The following HHLA2 variants were observed in gnomAD, a reference collection of about 807,000 sequenced individuals.
The protein encoded by HHLA2 is HERV-H LTR-associating protein 2.
In HHLA2, 48 loss-of-function variants were observed where a neutral mutation model predicts 45.9. The observed-to-expected ratio is 1.05, with a 90% CI of 0.83 to 1.33. The LOEUF (loss-of-function observed/expected upper bound fraction) is 1.33. HHLA2 is among the 40% of genes most tolerant of loss of function. The probability of loss-of-function intolerance (pLI) is 0.00; values close to 1 mark genes in which losing one functional copy is unlikely to be tolerated. For missense variants in HHLA2, 462 were observed against 494.3 expected, an observed-to-expected ratio of 0.93 and a Z score of 0.62; for synonymous variants, 161 against 173.9, an observed-to-expected ratio of 0.93 and a Z score of 0.59.
At chr3:108,358,612 C>T (rs2081938000) in intron 7 of HHLA2, among the ~76,000 whole-genome samples, 1 of 152,176 alleles carries the variant, frequency 6.6e-6, no homozygotes, top group Non-Finnish European at 1.5e-5. Context: ...TTTGAAGCAC[C>T]AAGTATATAT....
At chr3:108,332,255 A>G (rs1475897293) in intron 3 of HHLA2, among the ~76,000 whole-genome samples, 1 of 152,188 alleles carries the variant, frequency 6.6e-6, no homozygotes, top group African/African-American at 2.4e-5. Context: ...AGTTACCTCC[A>G]GGCGGTGGGA....
chr3:108,377,212 C>T, intron 10 of HHLA2, 46 bp from the exon 10 acceptor site: 2 of 1,311,336 alleles, frequency 1.5e-6, no homozygotes, highest in Non-Finnish European at 2.2e-6. Flanking sequence ...AATGGTTATT[C>T]TGACTTGAAC....
chr3:108,369,475 G>A (rs1440383632), intron 8 of HHLA2, among the ~76,000 whole-genome samples: 1 of 152,136 alleles, frequency 6.6e-6, no homozygotes, highest in Non-Finnish European at 1.5e-5. Context: ...GCAGGACAGT[G>A]GGTGCAGTGC....
Position 108,317,576 on chromosome 3 carries a change from C to CTT in HHLA2, c.-105+6850_-105+6851dup, listed in dbSNP as rs55986913. Among the ~76,000 whole-genome samples, 575 of 122,570 alleles carry CTT rather than the reference C, an allele frequency of 4.7e-3. 5 individuals carry two copies. The highest frequency in any genetic ancestry group is 0.013 in the African/African-American group (496 of 36,880). 80.4% of individuals were successfully genotyped at this position (122,570 alleles called of 152,430 possible). The stretch of plus-strand genomic sequence containing the variant: ...GCCTAGGATAGTAGGGAGATTACTT[C>CTT]TTTTTTTTTTTTTTTTGAGATGGAG... On this transcript the variant is annotated intron_variant, in intron 2 of 10. Transcript: ENST00000619531.
intron 1 of HHLA2, among the ~76,000 whole-genome samples, chr3:108,299,180 C>A (rs1416677849): frequency 6.6e-6 from 1 of 151,854 alleles, no homozygotes; most frequent in East Asian, 1.9e-4. Context: ...TTTCTATTTC[C>A]AAATTGACAA....
intron 8 of HHLA2, among the ~76,000 whole-genome samples, chr3:108,366,389 A>C (rs1212185997): frequency 6.6e-6 from 1 of 152,144 alleles, no homozygotes; most frequent in Non-Finnish European, 1.5e-5. Flanking sequence ...CCAGTATTTT[A>C]TTGAGGATTT....
intron 8 of HHLA2, among the ~76,000 whole-genome samples, chr3:108,368,860 G>C (rs2082114710): frequency 6.6e-6 from 1 of 152,128 alleles, no homozygotes; most frequent in Non-Finnish European, 1.5e-5. Context: ...CTTGAACTCA[G>C]CTCTGGACTA....
chr3:108,306,651 G>A (rs2080935562), intron 1 of HHLA2, among the ~76,000 whole-genome samples: 1 of 152,142 alleles, frequency 6.6e-6, no homozygotes, highest in Non-Finnish European at 1.5e-5. Context: ...GAATGTTGCT[G>A]ATACTATTAT....
intron 3 of HHLA2, among the ~76,000 whole-genome samples, chr3:108,351,344 T>A (rs2081773677): frequency 6.6e-6 from 1 of 152,232 alleles, no homozygotes; most frequent in South Asian, 2.1e-4. Context: ...GTTTTAGTAT[T>A]TTCTATCATA....
At chr3:108,326,223 A>G (rs1239740741) in intron 2 of HHLA2, 5 of 212,098 alleles carry the variant, frequency 2.4e-5, no homozygotes, top group Non-Finnish European at 4.8e-5. Context: ...TCCACCTTGT[A>G]TGGTGTATTC....
chr3:108,355,176 C>T lies in HHLA2; in HGVS notation c.480C>T (p.Ser160=), dbSNP rs371519232. 572 of 1,613,510 alleles carry T rather than the reference C, an allele frequency of 3.5e-4. 1 individual carries two copies. Among genetic ancestry groups the T allele is most frequent in the African/African-American group, 1.5e-3 (112 of 75,016 alleles). ...ACACAAACAGCTTCTTAATATGCAGCGTGTTAAGTGTTTATCCTCGTCCAA... is the reference window on the plus strand; with the variant it reads ...ACACAAACAGCTTCTTAATATGCAGTGTGTTAAGTGTTTATCCTCGTCCAA... The change falls in exon 6 of 11, where the codon AGC becomes AGT. Residue 160 remains serine (S), a synonymous_variant. Coordinates refer to ENST00000619531, the Ensembl canonical transcript of HHLA2.
chr3:108,318,996 A>G (rs16854447), intron 2 of HHLA2, among the ~76,000 whole-genome samples: 16,056 of 152,126 alleles, frequency 0.11, 1,605 homozygotes, highest in East Asian at 0.53. Context: ...TATCACTCAC[A>G]AGGTAGCTCT....
intron 3 of HHLA2, among the ~76,000 whole-genome samples, chr3:108,345,761 C>G (rs927116414): frequency 1.3e-5 from 2 of 152,206 alleles, no homozygotes; most frequent in Non-Finnish European, 2.9e-5. Flanking sequence ...GTTAAAATGC[C>G]ACACAGTAAG....
At chr3:108,355,934 A>T (rs1289361703) in intron 6 of HHLA2, among the ~76,000 whole-genome samples, 1 of 152,136 alleles carries the variant, frequency 6.6e-6, no homozygotes, top group Non-Finnish European at 1.5e-5. Context: ...ATTTATTTGA[A>T]CAGATCCAAA....
intron 2 of HHLA2, chr3:108,326,125 C>A: frequency 4.0e-6 from 1 of 248,168 alleles, no homozygotes; most frequent in Non-Finnish European, 8.0e-6. Flanking sequence ...TTTTTAATGC[C>A]ACTACAATCT....
intron 3 of HHLA2, among the ~76,000 whole-genome samples, chr3:108,328,813 C>T (rs981634845): frequency 6.6e-5 from 10 of 151,780 alleles, no homozygotes; most frequent in African/African-American, 2.2e-4. Flanking sequence ...GGGAAGGGAA[C>T]ATGCCAGGAA....
chr3:108,313,629 G>A (rs548392026), intron 2 of HHLA2, among the ~76,000 whole-genome samples: 3 of 152,232 alleles, frequency 2.0e-5, no homozygotes, highest in South Asian at 2.1e-4. Context: ...TGTAGCTGCC[G>A]GTTAAAACCT....
At chr3:108,302,255 C>T (rs1171603885) in intron 1 of HHLA2, among the ~76,000 whole-genome samples, 1 of 152,094 alleles carries the variant, frequency 6.6e-6, no homozygotes, top group Non-Finnish European at 1.5e-5. Context: ...GAGGGTTAGT[C>T]TTTCGATAAC....
intron 3 of HHLA2, among the ~76,000 whole-genome samples, chr3:108,333,565 T>C (rs1316036706): frequency 7.5e-6 from 1 of 133,272 alleles, no homozygotes; most frequent in Non-Finnish European, 1.5e-5. Flanking sequence ...GGTCCAACCC[T>C]ATATGTCTTT....
Sources: allele counts gnomAD v4.1 joint callset (sites outside exome capture counted in the v4.1 genomes callset), GRCh38; gene constraint gnomAD v4.1.1; transcripts MANE v1.5; gene names NCBI Gene and HGNC (gene_info 2026-07-23, HGNC 2026-07-21).